Variants in ARHGAP6 observed in about 807,000 individuals in gnomAD.
ARHGAP6 encodes Rho GTPase activating protein 6.
ARHGAP6 carries 16 observed loss-of-function variants against 55.7 expected under a neutral mutation model. The observed-to-expected ratio is 0.29, with a 90% CI of 0.19 to 0.44. The LOEUF (loss-of-function observed/expected upper bound fraction) is 0.44, where lower values mean the gene tolerates loss of function less well. Ranked by LOEUF, ARHGAP6 falls within the 20% of genes least tolerant of loss-of-function variation. The pLI is 1.00. For missense variants in ARHGAP6, 698 were observed against 808.9 expected (o/e 0.86, Z 1.66); for synonymous variants, 382 against 360.9 (o/e 1.06, Z -0.66).
At chrX:11,237,504 AG>A (rs1222648894) in intron 2 of ARHGAP6, among the ~76,000 whole-genome samples, 1 of 112,261 alleles carries the variant, frequency 8.9e-6, no homozygotes, top group African/African-American at 3.2e-5. Context: ...AAGGCAGCAT[AG>A]GCACCCAACC....
chrX:11,273,282 C>G (rs1418581181), intron 1 of ARHGAP6, among the ~76,000 whole-genome samples: 1 of 110,632 alleles, frequency 9.0e-6, no homozygotes, highest in African/African-American at 3.3e-5. Context: ...ATATGGTAAT[C>G]TGATTTTTAA....
At chrX:11,536,637 G>A (rs775239243) in intron 1 of ARHGAP6, among the ~76,000 whole-genome samples, 2 of 112,147 alleles carry the variant, frequency 1.8e-5, no homozygotes, top group East Asian at 5.6e-4. Context: ...TCACCATCAA[G>A]AGAGACGATA....
chrX:11,331,303 C>T (rs1218486479), intron 1 of ARHGAP6, among the ~76,000 whole-genome samples: 1 of 111,532 alleles, frequency 9.0e-6, no homozygotes, highest in Non-Finnish European at 1.9e-5. Context: ...CCTACTCAGT[C>T]CATTAGCATT....
chrX:11,374,879 C>G (rs746367590), intron 1 of ARHGAP6, among the ~76,000 whole-genome samples: 3 of 111,592 alleles, frequency 2.7e-5, no homozygotes, highest in Non-Finnish European at 5.7e-5. Flanking sequence ...GAGAAAGCTT[C>G]CCTACCATCC....
At chrX:11,454,034 C>T (rs2050170967) in intron 1 of ARHGAP6, among the ~76,000 whole-genome samples, 1 of 110,911 alleles carries the variant, frequency 9.0e-6, no homozygotes, top group Non-Finnish European at 1.9e-5. Context: ...AGCTCCACCT[C>T]CCGGGTTCAT....
chrX:11,285,110 C>A (rs2047904239), intron 1 of ARHGAP6, among the ~76,000 whole-genome samples: 1 of 109,371 alleles, frequency 9.1e-6, no homozygotes, highest in Non-Finnish European at 1.9e-5. Flanking sequence ...GTTGAGCCTT[C>A]TGTAAGCTAC....
intron 2 of ARHGAP6, among the ~76,000 whole-genome samples, chrX:11,236,166 G>A (rs781687245): frequency 1.8e-5 from 2 of 112,035 alleles, no homozygotes; most frequent in African/African-American, 6.5e-5. Flanking sequence ...TCGCAGGGCT[G>A]GGGAGGCCTC....
chrX:11,178,846 C>T (rs1018162474), intron 7 of ARHGAP6, among the ~76,000 whole-genome samples: 5 of 111,841 alleles, frequency 4.5e-5, no homozygotes, highest in Non-Finnish European at 9.4e-5. Context: ...TTCATGGGAT[C>T]TGTAGCTACA....
chrX:11,645,720 A>C (rs762394632), intron 1 of ARHGAP6, among the ~76,000 whole-genome samples: 37 of 109,638 alleles, frequency 3.4e-4, no homozygotes, highest in African/African-American at 8.3e-4. Flanking sequence ...TGCAAAGAAG[A>C]AGCTTGGAAT....
rs1339433219 is a variant in ARHGAP6 at position 11,583,761 on chromosome X, T to C, written c.588+80480A>G. On this transcript the variant is annotated intron_variant, in intron 1 of 12. Transcript: ENST00000337414. ...AACAGAATTCTCTATGTATTTATAT[T>C]AAAGATGGAGGAAAAAAAAACATGA... 4.5e-5 allele frequency among the ~76,000 whole-genome samples: 5 copies of C among 110,794 alleles called. No individual in the cohort carries two copies. The East Asian group carries it at 1.4e-3, about 31-fold the overall frequency.
chrX:11,152,981 G>T (rs970081455), intron 10 of ARHGAP6, among the ~76,000 whole-genome samples: 1 of 111,950 alleles, frequency 8.9e-6, no homozygotes, highest in East Asian at 2.8e-4. Context: ...GAGTCTGACA[G>T]CCAGTGGGCC....
At chrX:11,559,306 T>C (rs2051358510) in intron 1 of ARHGAP6, among the ~76,000 whole-genome samples, 1 of 111,162 alleles carries the variant, frequency 9.0e-6, no homozygotes, top group Non-Finnish European at 1.9e-5. Flanking sequence ...CTCAGCATCT[T>C]TGTACATGCT....
chrX:11,182,487 C>T (rs760163760), intron 5 of ARHGAP6, among the ~76,000 whole-genome samples: 13 of 110,997 alleles, frequency 1.2e-4, no homozygotes, highest in Non-Finnish European at 1.9e-4. Context: ...ATTTCTTGTT[C>T]GTCTGATCAT....
chrX:11,223,569 A>G (rs2047003052), intron 2 of ARHGAP6, among the ~76,000 whole-genome samples: 1 of 111,865 alleles, frequency 8.9e-6, no homozygotes, highest in Non-Finnish European at 1.9e-5. Context: ...TATAAGATAA[A>G]TGTCTTCAAC....
intron 1 of ARHGAP6, among the ~76,000 whole-genome samples, chrX:11,535,707 C>T: frequency 9.0e-6 from 1 of 111,403 alleles, no homozygotes; most frequent in Admixed American, 9.6e-5. Flanking sequence ...GGGCTGCATT[C>T]CAGTCTCTCA....
intron 1 of ARHGAP6, among the ~76,000 whole-genome samples, chrX:11,338,782 G>A (rs750867902): frequency 1.8e-5 from 2 of 112,141 alleles, no homozygotes; most frequent in East Asian, 2.8e-4. Flanking sequence ...GCTGAGGGGC[G>A]ACTATTCTGC....
At chrX:11,500,574 T>C (rs771742470) in intron 1 of ARHGAP6, among the ~76,000 whole-genome samples, 16 of 105,660 alleles carry the variant, frequency 1.5e-4, no homozygotes, top group Non-Finnish European at 2.3e-4. Flanking sequence ...GGCAGGAGAA[T>C]TGCTTGAACC....
At chrX:11,619,626 TA>T (rs2052204974) in intron 1 of ARHGAP6, among the ~76,000 whole-genome samples, 1 of 111,670 alleles carries the variant, frequency 9.0e-6, no homozygotes, top group African/African-American at 3.3e-5. Flanking sequence ...CTAACAAAAA[TA>T]TTTTTTTATC....
intron 10 of ARHGAP6, among the ~76,000 whole-genome samples, chrX:11,152,616 C>T (rs1420486173): frequency 8.9e-6 from 1 of 111,929 alleles, no homozygotes; most frequent in Non-Finnish European, 1.9e-5. Context: ...GCAAATCCTT[C>T]CTCTTCTCAG....
Sources: gnomAD v4.1 joint callset for allele counts (sites outside exome capture counted in the v4.1 genomes callset) on GRCh38, gnomAD v4.1.1 for gene constraint, MANE v1.5 for transcripts, NCBI Gene and HGNC (gene_info 2026-07-23, HGNC 2026-07-21) for gene names.